SLC6A13: variants seen among roughly 807,000 people sequenced by gnomAD.
The protein encoded by SLC6A13 is solute carrier family 6 member 13.
A neutral mutation model predicts 72.9 loss-of-function variants in SLC6A13; 69 were observed. The ratio of observed to expected loss-of-function variants is 0.95; its 90% CI spans 0.78 to 1.16. SLC6A13 has a LOEUF of 1.16. Among genes scored for constraint, SLC6A13 ranks in the 50% most tolerant of loss-of-function variants. The pLI is 0.00. For synonymous variants in SLC6A13, 303 were observed against 303.0 expected (o/e 1.00, Z 0.00); for missense variants, 735 against 760.5 (o/e 0.97, Z 0.39).
intron 2 of SLC6A13, chr12:259,294 A>G (rs988565271): frequency 1.0e-6 from 1 of 991,776 alleles, no homozygotes; most frequent in Non-Finnish European, 1.2e-6. Context: ...TTTGGTTATC[A>G]ACGTCATCAT....
intron 6 of SLC6A13, among the ~76,000 whole-genome samples, chr12:236,540 T>G (rs1941937889): frequency 1.3e-5 from 2 of 152,120 alleles, no homozygotes; most frequent in South Asian, 4.1e-4. Flanking sequence ...AGCTCCCACC[T>G]CCCCTGACAC....
intron 8 of SLC6A13, chr12:227,346 G>A (rs1941502351): frequency 2.5e-6 from 1 of 397,620 alleles, no homozygotes; most frequent in South Asian, 1.0e-4. Flanking sequence ...TGGTCTCCCA[G>A]CCAATCACAA....
At chr12:223,887 A>G in intron 11 of SLC6A13, 105 bp downstream of exon 11, 1 of 1,344,178 alleles carries the variant, frequency 7.4e-7, no homozygotes, top group East Asian at 2.3e-5. Context: ...CCAGAAGCCC[A>G]GAAGACCTGC....
At position 221,384 on chromosome 12, in the gene SLC6A13, AG is replaced by A. The variant is rs781053007; in HGVS notation, c.1677del (p.Phe560SerfsTer39). 22 of 1,598,176 alleles carry A rather than the reference AG, an allele frequency of 1.4e-5. No homozygotes were observed. The highest frequency in any genetic ancestry group is 1.8e-5 in the Non-Finnish European group (21 of 1,172,528). The part of the protein sequence containing the change: ...SLYRLGTLKG[P>X]FRERIRQLMC... ...GCCCGCAAAGGCCCTACCTCTCTGA[AG>A]GGGCCCTTGAGGGTTCCGAGTCTGT... is the stretch of plus-strand genomic sequence containing the variant. On this transcript the variant is annotated frameshift_variant, in exon 14 of 15. Coordinates refer to ENST00000343164, the MANE Select transcript of SLC6A13 (RefSeq NM_016615.5). LOFTEE classifies it low-confidence loss of function (END_TRUNC).
chr12:237,315 G>A, intron 5 of SLC6A13, 25 bp from the exon 6 acceptor site: 1 of 1,612,164 alleles, frequency 6.2e-7, no homozygotes. Flanking sequence ...GTTGAACCTG[G>A]CTTACTTTTT....
intron 11 of SLC6A13, 172 bp downstream of exon 11, chr12:223,820 G>A: frequency 2.9e-6 from 2 of 689,832 alleles, no homozygotes; most frequent in Non-Finnish European, 2.4e-6. Flanking sequence ...AAAGGCCAGA[G>A]GAGGGACCTG....
chr12:255,165 G>T (rs1942696849), intron 2 of SLC6A13, among the ~76,000 whole-genome samples: 4 of 152,142 alleles, frequency 2.6e-5, no homozygotes, highest in Admixed American at 2.6e-4. Context: ...TCATCGCGGG[G>T]GCTCTAGTCC....
At chr12:230,022 C>T (rs1359572819) in intron 7 of SLC6A13, among the ~76,000 whole-genome samples, 5 of 152,132 alleles carry the variant, frequency 3.3e-5, no homozygotes, top group African/African-American at 7.2e-5. Context: ...AAAGCCCCCT[C>T]GCTGGGAGCT....
At chr12:239,660 T>C (rs185126999) in intron 4 of SLC6A13, among the ~76,000 whole-genome samples, 1 of 152,184 alleles carries the variant, frequency 6.6e-6, no homozygotes, top group Non-Finnish European at 1.5e-5. Flanking sequence ...ATCGCTACAA[T>C]GAAAGCCCCA....
intron 4 of SLC6A13, among the ~76,000 whole-genome samples, chr12:241,184 A>G (rs1396512595): frequency 6.6e-6 from 1 of 152,126 alleles, no homozygotes; most frequent in Admixed American, 6.5e-5. Flanking sequence ...GGCGCCTGTA[A>G]TCCCATCTAC....
At chr12:238,319 T>C in intron 4 of SLC6A13, 1 of 1,365,234 alleles carries the variant, frequency 7.3e-7, no homozygotes, top group Middle Eastern at 2.0e-4. Flanking sequence ...CATTTCTATG[T>C]AAGCGTCCTG....
chr12:261,529 A>T (rs1942925944), intron 1 of SLC6A13, among the ~76,000 whole-genome samples: 1 of 152,186 alleles, frequency 6.6e-6, no homozygotes, highest in African/African-American at 2.4e-5. Flanking sequence ...AGGCAGATGG[A>T]CTTTTTTCTA....
chr12:228,941 G>C (rs1222081055), intron 7 of SLC6A13, among the ~76,000 whole-genome samples: 1 of 152,180 alleles, frequency 6.6e-6, no homozygotes, highest in African/African-American at 2.4e-5. Flanking sequence ...CCCTGCATCA[G>C]GGGTGCACCC....
At chr12:237,871 C>T in intron 5 of SLC6A13, 55 bp downstream of exon 5, 2 of 1,326,296 alleles carry the variant, frequency 1.5e-6, no homozygotes, top group Admixed American at 1.7e-5. Context: ...TACTCCTCCC[C>T]ATACCCTTCT....
chr12:247,441 G>C (rs1942394370), intron 2 of SLC6A13, among the ~76,000 whole-genome samples: 1 of 152,170 alleles, frequency 6.6e-6, no homozygotes. Flanking sequence ...CACATTTGCT[G>C]AAGCAATAAA....
Position 235,989 on chromosome 12 carries a change from T to C in SLC6A13, c.697-765A>G, listed in dbSNP as rs150688170. Reference sequence around the variant, plus strand: ...AAACTCTGCCCTGGTAAATCTGTGGTCAGACCAGTTCTCTGCTCTTGAACC... The same window carrying C: ...AAACTCTGCCCTGGTAAATCTGTGGCCAGACCAGTTCTCTGCTCTTGAACC... On this transcript the variant is annotated intron_variant, in intron 6 of 14. Coordinates refer to ENST00000343164, the MANE Select transcript of SLC6A13 (RefSeq NM_016615.5). Among the ~76,000 whole-genome samples the C allele has an allele frequency of 7.9e-5, 12 of 152,282 alleles. No individual in the cohort carries two copies. The East Asian group carries it at 2.3e-3, about 29-fold the overall frequency.
intron 4 of SLC6A13, 151 bp downstream of exon 4, chr12:242,463 A>G: frequency 3.4e-6 from 2 of 587,250 alleles, no homozygotes; most frequent in Non-Finnish European, 5.6e-6. Context: ...ACGCTGGTGA[A>G]TTCTTGATCT....
intron 2 of SLC6A13, among the ~76,000 whole-genome samples, chr12:244,344 C>G (rs1408689222): frequency 6.6e-6 from 1 of 152,204 alleles, no homozygotes; most frequent in Non-Finnish European, 1.5e-5. Flanking sequence ...CATGAGGGCT[C>G]TGCCCTCATG....
At chr12:249,949 T>A (rs935506665) in intron 2 of SLC6A13, among the ~76,000 whole-genome samples, 2 of 152,306 alleles carry the variant, frequency 1.3e-5, no homozygotes, top group African/African-American at 2.4e-5. Flanking sequence ...TTTAACATTT[T>A]AAAAAATCAA....
Sources: allele counts gnomAD v4.1 joint callset (sites outside exome capture counted in the v4.1 genomes callset), GRCh38; gene constraint gnomAD v4.1.1; transcripts MANE v1.5; gene names NCBI Gene and HGNC (gene_info 2026-07-23, HGNC 2026-07-21).